The following SBNO1 variants were observed in gnomAD, a reference collection of about 807,000 sequenced individuals.
SBNO1 encodes protein strawberry notch homolog 1.
Under a neutral mutation model 173.6 loss-of-function variants are expected in SBNO1, and 23 were observed. That is an observed-to-expected ratio of 0.13 (90% CI 0.10 to 0.19). The LOEUF is 0.19. Among genes scored for constraint, SBNO1 ranks in the 10% least tolerant of loss-of-function variants. The probability of loss-of-function intolerance (pLI) is 1.00; values close to 1 mark genes in which losing one functional copy is unlikely to be tolerated. For synonymous variants in SBNO1, 632 were observed against 571.5 expected (o/e 1.11, Z -1.51); for missense variants, 1,238 against 1,671.2 (o/e 0.74, Z 4.52).
In SBNO1 at chr12:123,309,546, A is replaced by G. The variant is rs147709194; in HGVS notation, c.3480T>C (p.Asp1160=). 61 of 1,613,954 alleles carry G rather than the reference A, an allele frequency of 3.8e-5. No homozygotes were observed. Among genetic ancestry groups the G allele is most frequent in the African/African-American group, 5.3e-5 (4 of 74,952 alleles). The change falls in exon 27 of 32, where the codon GAT becomes GAC. Residue 1160 remains aspartate, a synonymous_variant. Transcript: ENST00000602398. The stretch of plus-strand genomic sequence containing the variant: ...ATCCTGGAGTCAGAAACTTTTTAAC[A>G]TCACTTTTCCGCACTTTTTCATCTC... ...GSGDEKVRKS[D]VKKFLTPGYS... is the part of the protein sequence containing the mutation.
intron 20 of SBNO1, among the ~76,000 whole-genome samples, chr12:123,317,690 G>A (rs1038171054): frequency 6.6e-6 from 1 of 152,120 alleles, no homozygotes; most frequent in Non-Finnish European, 1.5e-5. Context: ...GGAAATGGAG[G>A]CCCACATAAT....
Position 123,320,811 on chromosome 12 carries a change from TTTC to T in SBNO1, c.2376_2378del (p.Lys793del), listed in dbSNP as rs770322303. 12 of 1,598,918 alleles carry T rather than the reference TTTC, an allele frequency of 7.5e-6. No individual in the cohort carries two copies. The highest frequency in any genetic ancestry group is 3.5e-5 in the Admixed American group (2 of 56,904). ...TTTGAATAGAATCTGGATCTATACT[TTTC>T]TTCTTTTTTTTCTCTTTGTTTTTCT... On this transcript the variant is annotated inframe_deletion, in exon 18 of 32. Coordinates refer to ENST00000602398, the MANE Select transcript of SBNO1 (RefSeq NM_001167856.3).
chr12:123,325,113 C>CT (rs773405020), intron 15 of SBNO1, among the ~76,000 whole-genome samples: 5 of 152,148 alleles, frequency 3.3e-5, no homozygotes, highest in African/African-American at 4.8e-5. Context: ...GCTCAGCCAA[C>CT]TTATAAAGTA....
intron 24 of SBNO1, among the ~76,000 whole-genome samples, chr12:123,311,997 C>T (rs1425383841): frequency 6.6e-6 from 1 of 151,864 alleles, no homozygotes; most frequent in African/African-American, 2.4e-5. Flanking sequence ...GCCTTGGCCT[C>T]CCAAAGTGCT....
At chr12:123,338,970 G>A (rs1386595280) in intron 5 of SBNO1, among the ~76,000 whole-genome samples, 1 of 142,816 alleles carries the variant, frequency 7.0e-6, no homozygotes, top group Non-Finnish European at 1.5e-5. Context: ...CAGTCTCTCT[G>A]AGATGTTACT....
chr12:123,332,752 A>C (rs968451645), intron 7 of SBNO1, among the ~76,000 whole-genome samples: 3 of 151,764 alleles, frequency 2.0e-5, no homozygotes, highest in African/African-American at 7.3e-5. Flanking sequence ...TTTTTGGTAG[A>C]GACAGGGTTT....
chr12:123,340,908 G>T (rs777433844), intron 5 of SBNO1, 80 bp downstream of exon 5: 19 of 862,926 alleles, frequency 2.2e-5, no homozygotes, highest in Non-Finnish European at 3.0e-5. Flanking sequence ...GCTTTCTGAG[G>T]GTTGTTCCAT....
In SBNO1 at chr12:123,304,607, G is replaced by A. The variant is rs767493981; in HGVS notation, c.3743C>T (p.Ala1248Val). The change falls in exon 29 of 32, where the codon GCT (alanine) becomes GTT (valine). Residue 1248 changes from alanine (A) to valine (V), a missense_variant. Transcript: ENST00000602398. ...TGKQLKLEIY[A>V]DLKKKYKKVV... The stretch of plus-strand genomic sequence containing the variant: ...CTTCTTATATTTCTTTTTTAGATCA[G>A]CATAAATTTCTAATTTGAGCTGCTT... 14 of 1,559,102 alleles carry A rather than the reference G, an allele frequency of 9.0e-6. No individual in the cohort carries two copies. The highest frequency in any genetic ancestry group is 2.2e-5 in the East Asian group (1 of 44,550).
intron 5 of SBNO1, among the ~76,000 whole-genome samples, 174 bp downstream of exon 5, chr12:123,340,814 G>C (rs1285088993): frequency 6.6e-6 from 1 of 151,976 alleles, no homozygotes; most frequent in Admixed American, 6.6e-5. Flanking sequence ...TAACCACCCT[G>C]GTTAGTATCT....
At chr12:123,343,838 T>C (rs1872815236) in intron 4 of SBNO1, among the ~76,000 whole-genome samples, 1 of 152,112 alleles carries the variant, frequency 6.6e-6, no homozygotes, top group South Asian at 2.1e-4. Context: ...GTCCGGCCCA[T>C]CTTTGTTTCT....
chr12:123,340,073 G>A (rs1046812201), intron 5 of SBNO1, among the ~76,000 whole-genome samples: 3 of 152,112 alleles, frequency 2.0e-5, no homozygotes, highest in Non-Finnish European at 4.4e-5. Context: ...AACCTTTATT[G>A]TGAGTAGCAC....
chr12:123,313,526 G>C (rs764718090), intron 24 of SBNO1, 94 bp downstream of exon 24: 13 of 660,652 alleles, frequency 2.0e-5, no homozygotes, highest in Non-Finnish European at 3.3e-5. Flanking sequence ...TATGTCCAAA[G>C]AAAAAAACTA....
At chr12:123,345,148 T>C (rs1872977423) in intron 4 of SBNO1, 110 bp downstream of exon 4, 1 of 914,122 alleles carries the variant, frequency 1.1e-6, no homozygotes, top group African/African-American at 1.7e-5. Context: ...ATAATGCATA[T>C]AACACCCTTT....
chr12:123,323,622 G>GGGA, intron 16 of SBNO1, 58 bp downstream of exon 16: 1 of 1,351,528 alleles, frequency 7.4e-7, no homozygotes, highest in South Asian at 1.4e-5. Context: ...CCAAAGTGCT[G>GGGA]GGATTACAGG....
intron 1 of SBNO1, among the ~76,000 whole-genome samples, chr12:123,361,587 A>T (rs1319802246): frequency 6.6e-6 from 1 of 151,816 alleles, no homozygotes; most frequent in Non-Finnish European, 1.5e-5. Flanking sequence ...TACAAAAATT[A>T]GCTGGGCGTG....
At chr12:123,325,624 A>G (rs748976594) in intron 14 of SBNO1, 25 bp from the exon 15 acceptor site, 13 of 1,387,474 alleles carry the variant, frequency 9.4e-6, no homozygotes, top group Non-Finnish European at 3.1e-6. Flanking sequence ...AAACATGTTA[A>G]TTATGAATAA....
chr12:123,328,680 T>C lies in SBNO1; in HGVS notation c.1296+54A>G. 3 of 1,349,958 alleles carry C rather than the reference T, an allele frequency of 2.2e-6. No homozygotes were observed. In the South Asian group the frequency reaches 5.4e-5, roughly 25 times the overall value. The allele number at this position is 1,349,958 out of a possible 1,614,324, so 83.6% of individuals were successfully genotyped here. On this transcript the variant is annotated intron_variant, in intron 10 of 31. Transcript: ENST00000602398. ...ATTCCTGTTTCCCAAAGGTCTACCC[T>C]TTTATAATTTTCTTGTCGTTAAAAA... is the stretch of plus-strand genomic sequence containing the variant.
At position 123,292,212 on chromosome 12, in the gene SBNO1, T is replaced by G. The variant is rs2048522596; in HGVS notation, c.*3696A>C. ...TGTCTGCCTTTGCCATTGGGAGGCC[T>G]GAACTAATCAAACGTTCATTAATAG... On this transcript the variant is annotated 3_prime_UTR_variant, in exon 32 of 32. Transcript: ENST00000602398. 6.6e-6 allele frequency: 1 copy of G among 152,172 alleles called. No homozygotes were observed. The highest frequency in any genetic ancestry group is 2.1e-4 in the South Asian group (1 of 4,832). The allele number at this position is 152,172 out of a possible 1,614,324, so 9.4% of individuals were successfully genotyped here.
chr12:123,362,188 G>T (rs1004663837), intron 1 of SBNO1, among the ~76,000 whole-genome samples: 3 of 151,374 alleles, frequency 2.0e-5, no homozygotes, highest in African/African-American at 7.3e-5. Context: ...TGCAATCCCA[G>T]CACTTTGGGA....
Sources: allele counts gnomAD v4.1 joint callset (sites outside exome capture counted in the v4.1 genomes callset), GRCh38; gene constraint gnomAD v4.1.1; transcripts MANE v1.5; gene names NCBI Gene and HGNC (gene_info 2026-07-23, HGNC 2026-07-21).